Variants in GLCCI1 observed in about 807,000 individuals in gnomAD.
GLCCI1 encodes the protein glucocorticoid-induced transcript 1 protein.
GLCCI1 carries 24 observed loss-of-function variants against 52.2 expected under a neutral mutation model. The ratio of observed to expected loss-of-function variants is 0.46; its 90% CI spans 0.33 to 0.65. The LOEUF (loss-of-function observed/expected upper bound fraction) is 0.65, where lower values mean the gene tolerates loss of function less well. GLCCI1 is among the 30% of genes least tolerant of loss of function. GLCCI1 has a pLI of 0.02. For synonymous variants in GLCCI1, 310 were observed against 276.5 expected (o/e 1.12, Z -1.20); for missense variants, 704 against 701.5 (o/e 1.00, Z -0.04).
chr7:8,059,834 A>G (rs960102400), intron 4 of GLCCI1, among the ~76,000 whole-genome samples: 2 of 152,246 alleles, frequency 1.3e-5, no homozygotes, highest in Non-Finnish European at 2.9e-5. Flanking sequence ...CTGCCATTCT[A>G]CTGAACAAGT....
At chr7:8,012,705 A>G (rs931184980) in intron 2 of GLCCI1, among the ~76,000 whole-genome samples, 2 of 151,842 alleles carry the variant, frequency 1.3e-5, no homozygotes, top group African/African-American at 2.4e-5. Context: ...TCAGCCTCCC[A>G]AAGTACTGGG....
At chr7:8,043,630 C>T (rs557325387) in intron 3 of GLCCI1, among the ~76,000 whole-genome samples, 1 of 152,158 alleles carries the variant, frequency 6.6e-6, no homozygotes, top group African/African-American at 2.4e-5. Flanking sequence ...TGAAAAAGTC[C>T]TAAAATTGGA....
intron 1 of GLCCI1, among the ~76,000 whole-genome samples, chr7:8,003,090 C>T (rs1265301545): frequency 1.3e-5 from 2 of 152,068 alleles, no homozygotes; most frequent in Non-Finnish European, 2.9e-5. Context: ...TGAATAAATT[C>T]ATTAAGTGAG....
intron 3 of GLCCI1, among the ~76,000 whole-genome samples, chr7:8,028,761 A>G (rs1229889881): frequency 6.6e-6 from 1 of 152,146 alleles, no homozygotes; most frequent in East Asian, 1.9e-4. Context: ...TTAGAGGTGA[A>G]AAAGAAGACT....
chr7:8,040,372 G>A (rs1781971669), intron 3 of GLCCI1, among the ~76,000 whole-genome samples: 2 of 151,994 alleles, frequency 1.3e-5, no homozygotes, highest in Admixed American at 6.6e-5. Context: ...TGTGGTCCGA[G>A]TTACTCAGGA....
At chr7:8,007,287 G>A (rs1284358965) in intron 2 of GLCCI1, among the ~76,000 whole-genome samples, 1 of 152,106 alleles carries the variant, frequency 6.6e-6, no homozygotes, top group African/African-American at 2.4e-5. Flanking sequence ...TTACATAGCT[G>A]TACATTAATA....
intron 2 of GLCCI1, among the ~76,000 whole-genome samples, chr7:8,013,436 A>G (rs1371257401): frequency 6.6e-6 from 1 of 152,156 alleles, no homozygotes; most frequent in South Asian, 2.1e-4. Flanking sequence ...ACTATATACC[A>G]TTAATATCTT....
chr7:8,080,379 GAT>G (rs1413541170), intron 6 of GLCCI1, among the ~76,000 whole-genome samples: 36 of 151,536 alleles, frequency 2.4e-4, no homozygotes, highest in Non-Finnish European at 4.4e-5. Context: ...ACCTGGGAAA[GAT>G]AGAATAAGAA....
chr7:7,988,736 A>C (rs1191829047), intron 1 of GLCCI1, among the ~76,000 whole-genome samples: 6 of 152,176 alleles, frequency 3.9e-5, no homozygotes, highest in Non-Finnish European at 8.8e-5. Context: ...TCCAAGAGTA[A>C]TTTAGACAAA....
intron 2 of GLCCI1, among the ~76,000 whole-genome samples, chr7:8,018,408 T>C (rs1257994103): frequency 1.3e-5 from 2 of 152,192 alleles, no homozygotes; most frequent in African/African-American, 4.8e-5. Context: ...AGTTAGTGAA[T>C]AAAGATATAC....
chr7:8,053,360 G>C (rs1324503274), intron 3 of GLCCI1, among the ~76,000 whole-genome samples: 23 of 142,174 alleles, frequency 1.6e-4, no homozygotes, highest in Admixed American at 1.4e-3. Flanking sequence ...GTCTCGCACT[G>C]TCGCCCAGGT....
intron 2 of GLCCI1, among the ~76,000 whole-genome samples, chr7:8,019,617 G>A (rs1781443870): frequency 6.6e-6 from 1 of 152,044 alleles, no homozygotes; most frequent in Non-Finnish European, 1.5e-5. Context: ...ATCGCTGTGC[G>A]AACATCATAG....
At chr7:8,071,703 G>A (rs183999046) in intron 6 of GLCCI1, among the ~76,000 whole-genome samples, 7 of 152,136 alleles carry the variant, frequency 4.6e-5, no homozygotes, top group African/African-American at 1.7e-4. Context: ...TTCTATCCTT[G>A]TGTCTACTTG....
At chr7:8,067,295 A>C (rs1782650002) in intron 5 of GLCCI1, among the ~76,000 whole-genome samples, 1 of 152,132 alleles carries the variant, frequency 6.6e-6, no homozygotes. Context: ...CTGGTCTCTT[A>C]AAGACGCCTA....
Position 8,031,653 on chromosome 7 carries a change from G to T in GLCCI1, c.696+9084G>T, listed in dbSNP as rs377707636. ...GCATGCCTGTGCCAAAATATCTCAT[G>T]TGTCCCATAAATACATATACCTACT... On this transcript the variant is annotated intron_variant, in intron 3 of 7. Transcript: ENST00000223145. 7.2e-5 allele frequency among the ~76,000 whole-genome samples: 11 copies of T among 152,068 alleles called. No homozygotes were observed. The East Asian group carries it at 1.5e-3, about 21-fold the overall frequency.
intron 2 of GLCCI1, among the ~76,000 whole-genome samples, chr7:8,012,733 C>G (rs1781295745): frequency 6.6e-6 from 1 of 152,104 alleles, no homozygotes; most frequent in African/African-American, 2.4e-5. Flanking sequence ...GCGTGAGCCA[C>G]CACGCCTGGC....
intron 1 of GLCCI1, among the ~76,000 whole-genome samples, chr7:7,986,415 C>T (rs920127382): frequency 1.3e-5 from 2 of 151,932 alleles, no homozygotes; most frequent in Admixed American, 1.3e-4. Context: ...GTCCCAGCTA[C>T]TCAGGAGGCT....
rs183847342 is a variant in GLCCI1 at position 8,086,115 on chromosome 7, G to A, written c.1299-78G>A. The A allele has an allele frequency of 6.5e-6, 8 of 1,234,106 alleles. No individual in the cohort carries two copies. In the South Asian group the frequency reaches 7.2e-5, roughly 11 times the overall value. 76.4% of individuals were successfully genotyped at this position (1,234,106 alleles called of 1,614,324 possible). On this transcript the variant is annotated intron_variant, in intron 7 of 7. Coordinates refer to ENST00000223145, the MANE Select transcript of GLCCI1 (RefSeq NM_138426.4). This position sits in a 1 kb window ranked among gnomAD's most constrained non-coding sequence, Gnocchi z 4.4. ...CCATTTACATTTTAGCTGTTTTAGA[G>A]AACTCCAGTTAATTCAGAAAATGCT... is the stretch of plus-strand genomic sequence containing the variant.
rs117890203 is a variant in GLCCI1 at position 8,013,948 on chromosome 7, C to T, written c.610-8535C>T. Among the ~76,000 whole-genome samples the T allele has an allele frequency of 4.4e-4, 66 of 150,980 alleles. No homozygotes were observed. The East Asian group carries it at 9.5e-3, about 22-fold the overall frequency. The stretch of plus-strand genomic sequence containing the variant: ...TTTGGAATTGCATTTGTTGCCACTC[C>T]GAGAACCATGTAAACTAACAGTTAT... On this transcript the variant is annotated intron_variant, in intron 2 of 7. Coordinates refer to ENST00000223145, the MANE Select transcript of GLCCI1 (RefSeq NM_138426.4).
Sources: allele counts gnomAD v4.1 joint callset (sites outside exome capture counted in the v4.1 genomes callset), GRCh38; gene constraint gnomAD v4.1.1; non-coding constraint Gnocchi (gnomAD v3.1); transcripts MANE v1.5; gene names NCBI Gene and HGNC (gene_info 2026-07-23, HGNC 2026-07-21).